Variants in KCTD8 observed in about 807,000 individuals in gnomAD.
KCTD8 encodes potassium channel tetramerization domain containing 8, also known as BTB/POZ domain-containing protein KCTD8.
A neutral mutation model predicts 31.5 loss-of-function variants in KCTD8; 27 were observed. That is an observed-to-expected ratio of 0.86 (90% CI 0.63 to 1.18). The LOEUF is 1.18. Among genes scored for constraint, KCTD8 ranks in the 50% most tolerant of loss-of-function variants. The pLI, the probability that KCTD8 is intolerant of heterozygous loss-of-function variation, is 0.00. For synonymous variants in KCTD8, 290 were observed against 280.0 expected, an observed-to-expected ratio of 1.04 and a Z score of -0.36; for missense variants, 658 against 647.7, an observed-to-expected ratio of 1.02 and a Z score of -0.17.
chr4:44,196,962 A>T (rs1577824703), intron 1 of KCTD8, among the ~76,000 whole-genome samples: 1 of 151,990 alleles, frequency 6.6e-6, no homozygotes, highest in East Asian at 1.9e-4. Flanking sequence ...GCCAGACAAG[A>T]CTCCACTCTT....
At chr4:44,307,251 G>T (rs1717830993) in intron 1 of KCTD8, among the ~76,000 whole-genome samples, 1 of 152,022 alleles carries the variant, frequency 6.6e-6, no homozygotes, top group South Asian at 2.1e-4. Context: ...AAACTGAAGA[G>T]GCCTTCCAAG....
intron 1 of KCTD8, among the ~76,000 whole-genome samples, chr4:44,437,024 T>C (rs1221921162): frequency 1.3e-5 from 2 of 151,512 alleles, no homozygotes; most frequent in Non-Finnish European, 2.9e-5. Context: ...AATTCACTCA[T>C]GAAACTGTCC....
chr4:44,276,616 T>C (rs1469200176), intron 1 of KCTD8, among the ~76,000 whole-genome samples: 1 of 151,990 alleles, frequency 6.6e-6, no homozygotes, highest in Non-Finnish European at 1.5e-5. Context: ...TCTATCATTC[T>C]ATATAACTAG....
intron 1 of KCTD8, among the ~76,000 whole-genome samples, chr4:44,318,497 T>G (rs990897387): frequency 6.6e-6 from 1 of 152,242 alleles, no homozygotes; most frequent in South Asian, 2.1e-4. Flanking sequence ...TTAAAAAAAA[T>G]GTTTTACTAG....
intron 1 of KCTD8, among the ~76,000 whole-genome samples, chr4:44,359,643 T>C (rs59218943): frequency 6.6e-6 from 1 of 152,148 alleles, no homozygotes; most frequent in African/African-American, 2.4e-5. Flanking sequence ...TTTAACTCTC[T>C]TCTTTTGCTC....
chr4:44,233,808 T>G (rs1715195266), intron 1 of KCTD8, among the ~76,000 whole-genome samples: 1 of 152,298 alleles, frequency 6.6e-6, no homozygotes, highest in South Asian at 2.1e-4. Flanking sequence ...CTAAGAATTT[T>G]TTTTAAATTG....
chr4:44,273,138 A>G (rs1051597666), intron 1 of KCTD8, among the ~76,000 whole-genome samples: 11 of 152,140 alleles, frequency 7.2e-5, no homozygotes, highest in Admixed American at 4.6e-4. Flanking sequence ...AGCTTATTCC[A>G]CAATAAGGTT....
intron 1 of KCTD8, among the ~76,000 whole-genome samples, chr4:44,307,691 A>C (rs1717842086): frequency 1.3e-5 from 2 of 152,056 alleles, no homozygotes; most frequent in East Asian, 1.9e-4. Flanking sequence ...ACCACAAGAG[A>C]AAATACTCTG....
intron 1 of KCTD8, among the ~76,000 whole-genome samples, chr4:44,207,584 TCTC>T (rs1714351985): frequency 6.6e-6 from 1 of 152,198 alleles, no homozygotes; most frequent in South Asian, 2.1e-4. Context: ...CATCTCCTCT[TCTC>T]CTCTCTCTTA....
rs1220605076 is a variant in KCTD8 at position 44,347,751 on chromosome 4, T to C, written c.961+99812A>G. 2.0e-5 allele frequency among the ~76,000 whole-genome samples: 3 copies of C among 152,348 alleles called. No individual in the cohort carries two copies. In the East Asian group the frequency reaches 5.8e-4, roughly 29 times the overall value. On this transcript the variant is annotated intron_variant, in intron 1 of 1. Coordinates refer to ENST00000360029, the MANE Select transcript of KCTD8 (RefSeq NM_198353.3). ...AATAATAGAATTTTATATATAACTT[T>C]TCAGCTATAAGGTTTTAAAATCAGC...
At position 44,205,365 on chromosome 4, in the gene KCTD8, G is replaced by A. The variant is rs971948696; in HGVS notation, c.962-30115C>T. ...CTGTAGAAATTTGGAATTTTAGTTC[G>A]ATCAAAAAAGAATGCACTATTCAAT... is the stretch of plus-strand genomic sequence containing the variant. On this transcript the variant is annotated intron_variant, in intron 1 of 1. Transcript: ENST00000360029. Among the ~76,000 whole-genome samples the A allele has an allele frequency of 3.3e-5, 5 of 152,032 alleles. No individual in the cohort carries two copies. In the South Asian group the frequency reaches 6.2e-4, roughly 19 times the overall value.
chr4:44,442,535 C>T (rs892578157), intron 1 of KCTD8, among the ~76,000 whole-genome samples: 60 of 152,042 alleles, frequency 3.9e-4, no homozygotes, highest in African/African-American at 1.3e-3. Flanking sequence ...TGCAGTGAGC[C>T]GAGTCACACC....
intron 1 of KCTD8, among the ~76,000 whole-genome samples, chr4:44,368,338 C>T (rs998077181): frequency 2.0e-5 from 3 of 152,006 alleles, no homozygotes; most frequent in Admixed American, 6.6e-5. Flanking sequence ...TGAGCCCAGA[C>T]TGCACCATTG....
intron 1 of KCTD8, among the ~76,000 whole-genome samples, chr4:44,361,962 C>G (rs749601468): frequency 2.5e-4 from 38 of 152,030 alleles, no homozygotes; most frequent in Non-Finnish European, 4.0e-4. Context: ...CCCCACGAAT[C>G]TCAGAAAGAA....
chr4:44,268,830 C>A (rs940279276), intron 1 of KCTD8, among the ~76,000 whole-genome samples: 4 of 151,738 alleles, frequency 2.6e-5, no homozygotes, highest in Non-Finnish European at 5.9e-5. Flanking sequence ...ATCCAACTTA[C>A]AAGGGATGTG....
At chr4:44,393,880 T>A (rs986263983) in intron 1 of KCTD8, among the ~76,000 whole-genome samples, 3 of 151,796 alleles carry the variant, frequency 2.0e-5, no homozygotes, top group African/African-American at 7.2e-5. Context: ...ACTATATGAT[T>A]AAAAAATTAA....
chr4:44,324,916 T>C lies in KCTD8; in HGVS notation c.961+122647A>G, dbSNP rs115715163. Among the ~76,000 whole-genome samples, 328 of 152,180 alleles carry C rather than the reference T, an allele frequency of 2.2e-3. 7 individuals carry two copies. Among genetic ancestry groups the C allele is most frequent in the African/African-American group, 7.0e-3 (292 of 41,448 alleles). ...CCTTATGTTACTAATTGTGATTTTA[T>C]GTAACTGTCTTGACATCCCTGAACT... is the stretch of plus-strand genomic sequence containing the variant. On this transcript the variant is annotated intron_variant, in intron 1 of 1. Transcript: ENST00000360029.
At chr4:44,247,459 T>C (rs1008407345) in intron 1 of KCTD8, among the ~76,000 whole-genome samples, 3 of 151,962 alleles carry the variant, frequency 2.0e-5, no homozygotes, top group African/African-American at 7.2e-5. Flanking sequence ...TGTGTGTGTG[T>C]GCGTGTGTGT....
chr4:44,441,426 T>C (rs1484739430), intron 1 of KCTD8, among the ~76,000 whole-genome samples: 1 of 152,190 alleles, frequency 6.6e-6, no homozygotes, highest in Admixed American at 6.5e-5. Flanking sequence ...ACATAAAGTA[T>C]ATATTTACTA....
Sources: gnomAD v4.1 joint callset for allele counts (sites outside exome capture counted in the v4.1 genomes callset) on GRCh38, gnomAD v4.1.1 for gene constraint, MANE v1.5 for transcripts, NCBI Gene and HGNC (gene_info 2026-07-23, HGNC 2026-07-21) for gene names.